PJA2: variants seen among roughly 807,000 people sequenced by gnomAD.
PJA2 encodes the protein praja ring finger ubiquitin ligase 2, also known as E3 ubiquitin-protein ligase Praja-2.
A neutral mutation model predicts 69.3 loss-of-function variants in PJA2; 25 were observed. That is an observed-to-expected ratio of 0.36 (90% CI 0.26 to 0.50). The LOEUF (loss-of-function observed/expected upper bound fraction) is 0.50, where lower values mean the gene tolerates loss of function less well. Ranked by LOEUF, PJA2 falls within the 20% of genes least tolerant of loss-of-function variation. The pLI, the probability that PJA2 is intolerant of heterozygous loss-of-function variation, is 0.96. For missense variants in PJA2, 809 were observed against 830.2 expected, an observed-to-expected ratio of 0.97 and a Z score of 0.31; for synonymous variants, 308 against 277.8, an observed-to-expected ratio of 1.11 and a Z score of -1.08.
intron 7 of PJA2, among the ~76,000 whole-genome samples, chr5:109,354,843 G>T (rs1762385997): frequency 6.6e-6 from 1 of 151,528 alleles, no homozygotes; most frequent in African/African-American, 2.4e-5. Flanking sequence ...GGCTGGGCAT[G>T]GTGACTCATG....
intron 4 of PJA2, among the ~76,000 whole-genome samples, chr5:109,369,325 T>C (rs1762634804): frequency 6.6e-6 from 1 of 152,224 alleles, no homozygotes; most frequent in African/African-American, 2.4e-5. Context: ...AATAAATGCA[T>C]GCAGTAGAGT....
intron 1 of PJA2, among the ~76,000 whole-genome samples, chr5:109,406,030 A>G (rs1230450899): frequency 6.7e-6 from 1 of 149,146 alleles, no homozygotes; most frequent in East Asian, 1.9e-4. Flanking sequence ...CAACTCAATA[A>G]GACAAACCCA....
At chr5:109,394,362 G>C (rs79819815) in intron 1 of PJA2, among the ~76,000 whole-genome samples, 2,230 of 152,076 alleles carry the variant, frequency 0.015, 26 homozygotes, top group Non-Finnish European at 0.023. Context: ...GCTAGTTCTC[G>C]ACTTGGCTGG....
rs1361521462 is a variant in PJA2 at position 109,378,946 on chromosome 5, G to A, written c.541C>T (p.Leu181Phe). ...TCCACGACTTCTGCAGAAAGTTGAA[G>A]ATGGTCATTATCTTCTCCATGTTTG... ...DGKHGEDNDH[L>F]QLSAEVVEGS... is the part of the protein sequence containing the mutation. Residue 181 changes from leucine to phenylalanine, a missense_variant, in exon 4 of 10, where the codon CTT becomes TTT. Leu to Phe is a conservative substitution (Grantham distance 22, BLOSUM62 0). This residue lies in a region of PJA2 where 700 missense variants were observed against 639.5 expected (regional missense o/e 1.09). Coordinates refer to ENST00000361189, the MANE Select transcript of PJA2 (RefSeq NM_014819.5). 1 of 1,614,174 alleles carries A rather than the reference G, an allele frequency of 6.2e-7. No individual in the cohort carries two copies. Among genetic ancestry groups the A allele is most frequent in the South Asian group, 1.1e-5 (1 of 91,084 alleles).
intron 7 of PJA2, among the ~76,000 whole-genome samples, chr5:109,354,030 TAG>T (rs1237007115): frequency 6.9e-6 from 1 of 144,558 alleles, no homozygotes; most frequent in African/African-American, 2.6e-5. Flanking sequence ...CTATGATATC[TAG>T]AGATATCTAT....
At chr5:109,400,699 GC>G (rs1184860319) in intron 1 of PJA2, among the ~76,000 whole-genome samples, 1 of 152,126 alleles carries the variant, frequency 6.6e-6, no homozygotes, top group East Asian at 1.9e-4. Context: ...GAATGATATG[GC>G]CGGGCATGGT....
At chr5:109,400,167 A>C (rs190378204) in intron 1 of PJA2, among the ~76,000 whole-genome samples, 292 of 151,996 alleles carry the variant, frequency 1.9e-3, no homozygotes, top group Non-Finnish European at 3.7e-3. Flanking sequence ...GTGCACGCCC[A>C]TAATTCCAGC....
chr5:109,377,828 C>T (rs1746926488), intron 4 of PJA2, among the ~76,000 whole-genome samples: 1 of 152,148 alleles, frequency 6.6e-6, no homozygotes, highest in South Asian at 2.1e-4. Flanking sequence ...TGAAGTATTA[C>T]CAATCAATAA....
At chr5:109,360,262 G>C (rs1010115979) in intron 6 of PJA2, among the ~76,000 whole-genome samples, 1 of 152,118 alleles carries the variant, frequency 6.6e-6, no homozygotes, top group Non-Finnish European at 1.5e-5. Flanking sequence ...GGTAGAGTTG[G>C]GATTTGTCTG....
intron 1 of PJA2, among the ~76,000 whole-genome samples, chr5:109,398,920 C>G (rs867420657): frequency 6.6e-6 from 1 of 152,036 alleles, no homozygotes; most frequent in Non-Finnish European, 1.5e-5. Context: ...CAAAACCTAT[C>G]AAAGAAATGG....
At chr5:109,344,911 T>C (rs553084618) in intron 7 of PJA2, 92 bp from the exon 8 acceptor site, 1 of 748,942 alleles carries the variant, frequency 1.3e-6, no homozygotes. Flanking sequence ...TATATCACCA[T>C]TATTCTCTTT....
intron 1 of PJA2, among the ~76,000 whole-genome samples, chr5:109,397,898 T>A (rs373556652): frequency 1.3e-5 from 2 of 151,980 alleles, no homozygotes; most frequent in Non-Finnish European, 2.9e-5. Context: ...AGTAAAAGAA[T>A]CTACTCATCT....
intron 1 of PJA2, chr5:109,390,495 A>G (rs1419332379): frequency 6.6e-6 from 1 of 152,020 alleles, no homozygotes; most frequent in Non-Finnish European, 1.5e-5. Context: ...TAAATAGAAT[A>G]TAGGTAGGTC....
At chr5:109,394,039 C>CTTTTTT (rs75679188) in intron 1 of PJA2, among the ~76,000 whole-genome samples, 7 of 81,850 alleles carry the variant, frequency 8.6e-5, no homozygotes, top group African/African-American at 1.2e-4. Context: ...TTCTAATTCT[C>CTTTTTT]TTTTTTTTTT....
chr5:109,392,584 A>G (rs531997253), intron 1 of PJA2, among the ~76,000 whole-genome samples: 1 of 148,296 alleles, frequency 6.7e-6, no homozygotes, highest in South Asian at 2.1e-4. Context: ...AAAAAGTGTC[A>G]AACAATAGAA....
chr5:109,363,487 GT>G (rs1483272541), intron 5 of PJA2, among the ~76,000 whole-genome samples: 1 of 152,132 alleles, frequency 6.6e-6, no homozygotes, highest in Non-Finnish European at 1.5e-5. Flanking sequence ...TGCTCCTACT[GT>G]TCTTCCTACT....
intron 7 of PJA2, among the ~76,000 whole-genome samples, chr5:109,355,059 G>T (rs1294096602): frequency 6.6e-6 from 1 of 152,082 alleles, no homozygotes; most frequent in Non-Finnish European, 1.5e-5. Flanking sequence ...AGGAGTTCAG[G>T]GCTGTAGTAA....
intron 5 of PJA2, among the ~76,000 whole-genome samples, chr5:109,366,947 C>T (rs955384541): frequency 9.9e-5 from 15 of 151,970 alleles, no homozygotes; most frequent in African/African-American, 3.6e-4. Flanking sequence ...ACCTGGCTAA[C>T]ATGGTGAAAC....
intron 1 of PJA2, among the ~76,000 whole-genome samples, chr5:109,384,444 T>C (rs981437127): frequency 6.6e-5 from 10 of 152,220 alleles, no homozygotes; most frequent in African/African-American, 2.4e-4. Flanking sequence ...TTAATGCATT[T>C]ATTTACTATT....
Sources: allele counts gnomAD v4.1 joint callset (sites outside exome capture counted in the v4.1 genomes callset), GRCh38; gene constraint gnomAD v4.1.1; regional missense constraint gnomAD v4.1.1; transcripts MANE v1.5; gene names NCBI Gene and HGNC (gene_info 2026-07-23, HGNC 2026-07-21).